The following DLG2 variants were observed in gnomAD, a reference collection of about 807,000 sequenced individuals.
DLG2 encodes the protein disks large homolog 2.
In DLG2, 45 loss-of-function variants were observed where a neutral mutation model predicts 132.5. The observed-to-expected ratio is 0.34, with a 90% confidence interval of 0.27 to 0.44. The LOEUF (loss-of-function observed/expected upper bound fraction) is 0.44. Ranked by LOEUF, DLG2 falls within the 20% of genes least tolerant of loss-of-function variation. The probability of loss-of-function intolerance (pLI) is 1.00; values close to 1 mark genes in which losing one functional copy is unlikely to be tolerated. For missense variants in DLG2, 1,045 were observed against 1,196.9 expected, an observed-to-expected ratio of 0.87 and a Z score of 1.87; for synonymous variants, 424 against 419.6, an observed-to-expected ratio of 1.01 and a Z score of -0.13.
At chr11:85,608,708 T>C (rs2080770821) in intron 2 of DLG2, among the ~76,000 whole-genome samples, 1 of 152,044 alleles carries the variant, frequency 6.6e-6, no homozygotes, top group Admixed American at 6.6e-5. Flanking sequence ...GGTGGGGAAT[T>C]TGGCCCCACC....
intron 3 of DLG2, among the ~76,000 whole-genome samples, chr11:85,416,427 T>A (rs1381897888): frequency 1.3e-5 from 2 of 152,222 alleles, no homozygotes; most frequent in African/African-American, 4.8e-5. Flanking sequence ...CTATACAGAC[T>A]GTTTTTTGGT....
chr11:83,812,618 A>C (rs959034994), intron 17 of DLG2, among the ~76,000 whole-genome samples: 5 of 152,160 alleles, frequency 3.3e-5, no homozygotes, highest in African/African-American at 1.2e-4. Flanking sequence ...TTTTGGTCTT[A>C]AACTTAGTAG....
intron 6 of DLG2, among the ~76,000 whole-genome samples, chr11:85,001,787 G>C (rs1175585740): frequency 1.3e-5 from 2 of 152,134 alleles, no homozygotes; most frequent in Non-Finnish European, 2.9e-5. Context: ...TGTCAATATA[G>C]GTTCATTAAC....
intron 3 of DLG2, among the ~76,000 whole-genome samples, chr11:85,392,164 T>C (rs2086853701): frequency 3.3e-5 from 5 of 151,972 alleles, no homozygotes; most frequent in Admixed American, 3.3e-4. Flanking sequence ...GAAAATCAAA[T>C]CAAGAACTCA....
At chr11:85,061,809 ATAAC>A (rs2064172986) in intron 6 of DLG2, among the ~76,000 whole-genome samples, 1 of 151,856 alleles carries the variant, frequency 6.6e-6, no homozygotes, top group Non-Finnish European at 1.5e-5. Context: ...AATATACAAA[ATAAC>A]TAAGGATTGA....
At chr11:85,476,863 G>A (rs1453604571) in intron 3 of DLG2, among the ~76,000 whole-genome samples, 1 of 151,926 alleles carries the variant, frequency 6.6e-6, no homozygotes, top group African/African-American at 2.4e-5. Flanking sequence ...TTTTTAATAA[G>A]TGGAAAGAGT....
intron 18 of DLG2, among the ~76,000 whole-genome samples, chr11:83,666,106 T>G (rs1052120250): frequency 1.2e-4 from 18 of 152,204 alleles, no homozygotes; most frequent in African/African-American, 4.3e-4. Context: ...TATTCAATAG[T>G]TTTTTATACA....
intron 6 of DLG2, among the ~76,000 whole-genome samples, chr11:84,570,296 T>C (rs569520299): frequency 3.9e-5 from 6 of 152,312 alleles, no homozygotes; most frequent in South Asian, 4.1e-4. Context: ...TGTTCAAGAA[T>C]CAGTTCAGGT....
At chr11:83,996,287 A>T (rs1370028244) in intron 11 of DLG2, among the ~76,000 whole-genome samples, 1 of 152,190 alleles carries the variant, frequency 6.6e-6, no homozygotes, top group Non-Finnish European at 1.5e-5. Context: ...ATCTCACCCC[A>T]GTTAAAATGG....
At chr11:84,206,057 A>G (rs1222499228) in intron 8 of DLG2, among the ~76,000 whole-genome samples, 2 of 152,094 alleles carry the variant, frequency 1.3e-5, no homozygotes, top group East Asian at 1.9e-4. Flanking sequence ...CAACATTTCT[A>G]TGCTAGTAAA....
intron 6 of DLG2, among the ~76,000 whole-genome samples, chr11:84,753,259 G>C (rs1391438048): frequency 1.3e-5 from 2 of 152,128 alleles, no homozygotes; most frequent in African/African-American, 4.8e-5. Context: ...CGTTAAAATA[G>C]ACCTTTCTGG....
At chr11:84,376,846 C>T (rs567335980) in intron 7 of DLG2, among the ~76,000 whole-genome samples, 85 of 152,004 alleles carry the variant, frequency 5.6e-4, no homozygotes, top group African/African-American at 2.0e-3. Context: ...AAATCTTCGT[C>T]TGTGAGGAAA....
At chr11:84,005,118 T>C (rs1326726528) in intron 11 of DLG2, among the ~76,000 whole-genome samples, 1 of 151,512 alleles carries the variant, frequency 6.6e-6, no homozygotes, top group African/African-American at 2.4e-5. Flanking sequence ...CTTAGAAATA[T>C]ATTACTAGGC....
At chr11:84,224,969 A>C (rs1392494283) in intron 8 of DLG2, among the ~76,000 whole-genome samples, 1 of 152,138 alleles carries the variant, frequency 6.6e-6, no homozygotes, top group Non-Finnish European at 1.5e-5. Flanking sequence ...TACAAAGATG[A>C]TTTGCCTTTC....
intron 6 of DLG2, among the ~76,000 whole-genome samples, chr11:84,705,968 C>T (rs2059736869): frequency 6.6e-6 from 1 of 151,790 alleles, no homozygotes; most frequent in South Asian, 2.1e-4. Context: ...GTCCCAGACT[C>T]TGACACCTCA....
chr11:83,564,311 A>T (rs1384676977), intron 19 of DLG2, among the ~76,000 whole-genome samples: 1 of 152,178 alleles, frequency 6.6e-6, no homozygotes, highest in Non-Finnish European at 1.5e-5. Context: ...AAGATACCAT[A>T]GACAGGAGCA....
rs565340674 is a variant in DLG2 at position 84,717,883 on chromosome 11, G to T, written c.358-183152C>A. On this transcript the variant is annotated intron_variant, in intron 6 of 27. Coordinates refer to ENST00000376104, the MANE Select transcript of DLG2 (RefSeq NM_001142699.3). The stretch of plus-strand genomic sequence containing the variant: ...TGACATAGTAATATATACTGCAGTA[G>T]TTATTGCTGTGGCCACTTTACATAT... 2.0e-5 allele frequency among the ~76,000 whole-genome samples: 3 copies of T among 152,172 alleles called. No individual in the cohort carries two copies. The South Asian group carries it at 6.2e-4, about 32-fold the overall frequency.
chr11:83,472,371 A>G lies in DLG2; in HGVS notation c.2344+356T>C, dbSNP rs187074543. Among the ~76,000 whole-genome samples, 54 of 152,304 alleles carry G rather than the reference A, an allele frequency of 3.5e-4. 1 individual carries two copies. The highest frequency in any genetic ancestry group is 1.4e-3 in the Admixed American group (21 of 15,286). ...TACATCTTAGGCAGATCTGCTAGAA[A>G]GTCATTCTCAATACTGAGCTGACAT... On this transcript the variant is annotated intron_variant, in intron 23 of 27. Coordinates refer to ENST00000376104, the MANE Select transcript of DLG2 (RefSeq NM_001142699.3).
At chr11:84,916,315 C>A (rs1167532479) in intron 6 of DLG2, among the ~76,000 whole-genome samples, 6 of 126,228 alleles carry the variant, frequency 4.8e-5, no homozygotes, top group African/African-American at 1.9e-4. Context: ...CGCCACTGCA[C>A]TCCAGCCTGG....
Sources: gnomAD v4.1 joint callset for allele counts (sites outside exome capture counted in the v4.1 genomes callset) on GRCh38, gnomAD v4.1.1 for gene constraint, MANE v1.5 for transcripts, NCBI Gene and HGNC (gene_info 2026-07-23, HGNC 2026-07-21) for gene names.